Variants in SPTA1 observed in about 807,000 individuals in gnomAD.
The protein encoded by SPTA1 is spectrin alpha, erythrocytic 1, also known as spectrin alpha chain, erythrocytic 1.
Under a neutral mutation model 324.7 loss-of-function variants are expected in SPTA1, and 177 were observed. The ratio of observed to expected loss-of-function variants is 0.55; its 90% confidence interval spans 0.48 to 0.62. SPTA1 has a LOEUF of 0.62. Ranked by LOEUF, SPTA1 falls within the 20% of genes least tolerant of loss-of-function variation. The pLI, the probability that SPTA1 is intolerant of heterozygous loss-of-function variation, is 0.00. For missense variants in SPTA1, 3,162 were observed against 2,883.6 expected (o/e 1.10, Z -2.21); for synonymous variants, 1,195 against 1,041.3 (o/e 1.15, Z -2.84).
chr1:158,639,278 G>C (rs1204742569), intron 35 of SPTA1: 1 of 344,788 alleles, frequency 2.9e-6, no homozygotes, highest in Non-Finnish European at 5.4e-6. Flanking sequence ...TCAAATACCA[G>C]ATCAAATATA....
chr1:158,674,752 G>A (rs1217966372), intron 8 of SPTA1, 77 bp from the exon 9 acceptor site: 11 of 1,586,748 alleles, frequency 6.9e-6, no homozygotes, highest in Non-Finnish European at 9.4e-6. Context: ...TTAGGTTTGG[G>A]GTGAGGTAAG....
intron 5 of SPTA1, among the ~76,000 whole-genome samples, chr1:158,679,635 C>T (rs1346597802): frequency 1.3e-5 from 2 of 152,108 alleles, no homozygotes; most frequent in East Asian, 1.9e-4. Flanking sequence ...AGATCCTTCA[C>T]CCCAGCTGAG....
chr1:158,651,966 A>C (rs1323643854), intron 23 of SPTA1, among the ~76,000 whole-genome samples: 1 of 152,040 alleles, frequency 6.6e-6, no homozygotes, highest in Non-Finnish European at 1.5e-5. Context: ...ATATCAAAAG[A>C]AAAAGAAAAG....
chr1:158,685,757 T>C (rs1316190690), intron 1 of SPTA1, among the ~76,000 whole-genome samples: 1 of 152,172 alleles, frequency 6.6e-6, no homozygotes, highest in Non-Finnish European at 1.5e-5. Flanking sequence ...ATTTAATAAA[T>C]AATTAAGAAT....
rs530763373 is a variant in SPTA1, at chr1:158,673,755, T to A, written c.1350+574A>T. Among the ~76,000 whole-genome samples, 8 of 152,194 alleles carry A rather than the reference T, an allele frequency of 5.3e-5. No individual in the cohort carries two copies. The East Asian group carries it at 1.5e-3, about 29-fold the overall frequency. ...GGCAAAATGGAATGGAGGTTTCAAATTAGGTAGAAGTCAGAGGGTTGATGA... is the reference window on the plus strand; with the variant it reads ...GGCAAAATGGAATGGAGGTTTCAAAATAGGTAGAAGTCAGAGGGTTGATGA... On this transcript the variant is annotated intron_variant, in intron 10 of 51. Coordinates refer to ENST00000643759, the MANE Select transcript of SPTA1 (RefSeq NM_003126.4).
At position 158,627,022 on chromosome 1, in the gene SPTA1, G is replaced by T. The variant is rs756798194; in HGVS notation, c.5665-15C>A. On this transcript the variant is annotated splice_polypyrimidine_tract_variant and intron_variant, in intron 40 of 51. Transcript: ENST00000643759. ...TCCTGCAACACCTGTGAGAAGGGGA[G>T]AGACAAATATATTTATAATGTGCAG... 2 of 1,613,480 alleles carry T rather than the reference G, an allele frequency of 1.2e-6. No individual in the cohort carries two copies. The highest frequency in any genetic ancestry group is 3.3e-5 in the Admixed American group (2 of 59,992).
At chr1:158,679,994 A>C (rs926304834) in intron 5 of SPTA1, among the ~76,000 whole-genome samples, 2 of 152,146 alleles carry the variant, frequency 1.3e-5, no homozygotes, top group Non-Finnish European at 2.9e-5. Context: ...GAAAAGCAAA[A>C]TATAGCCAAC....
intron 39 of SPTA1, among the ~76,000 whole-genome samples, chr1:158,630,447 A>T (rs1319904654): frequency 6.6e-6 from 1 of 152,086 alleles, no homozygotes; most frequent in African/African-American, 2.4e-5. Context: ...TCACTTGCAG[A>T]ATAATGAAAT....
chr1:158,685,707 G>T (rs138624999), intron 1 of SPTA1, among the ~76,000 whole-genome samples: 7 of 152,152 alleles, frequency 4.6e-5, no homozygotes, highest in African/African-American at 1.7e-4. Context: ...GCTTTCAAGG[G>T]CTAAAAAGGT....
intron 43 of SPTA1, among the ~76,000 whole-genome samples, chr1:158,621,305 GA>G (rs1415534890): frequency 6.6e-6 from 1 of 152,142 alleles, no homozygotes; most frequent in Non-Finnish European, 1.5e-5. Flanking sequence ...ACATAAAAAT[GA>G]ATTTTTCATT....
At chr1:158,633,430 G>T (rs888685601) in intron 39 of SPTA1, among the ~76,000 whole-genome samples, 34 of 152,104 alleles carry the variant, frequency 2.2e-4, no homozygotes, top group African/African-American at 8.2e-4. Context: ...GGAGGCTGAG[G>T]TGGGTGGATC....
rs369695627 is a variant in SPTA1, at chr1:158,661,346, G to A, written c.2528C>T (p.Ala843Val). 5.0e-6 allele frequency: 8 copies of A among 1,613,704 alleles called. No homozygotes were observed. Among genetic ancestry groups the A allele is most frequent in the East Asian group, 4.5e-5 (2 of 44,866 alleles). The change falls in exon 18 of 52, where the codon GCC (alanine) becomes GTC (valine). Residue 843 changes from alanine to valine, a missense_variant. Physicochemically the swap from Ala to Val is moderately conservative, Grantham distance 64. Coordinates refer to ENST00000643759, the MANE Select transcript of SPTA1 (RefSeq NM_003126.4). ...NRHRVILENI[A>V]SHEPRIQEIT... is the part of the protein sequence containing the mutation. ...CTCTTGAATGCGTGGTTCATGGCTGGCAATGTTCTCCAGGATGACTCTATG... is the reference window on the plus strand; with the variant it reads ...CTCTTGAATGCGTGGTTCATGGCTGACAATGTTCTCCAGGATGACTCTATG...
intron 35 of SPTA1, 101 bp from the exon 36 acceptor site, chr1:158,638,342 G>A: frequency 8.4e-7 from 1 of 1,190,204 alleles, no homozygotes; most frequent in Non-Finnish European, 1.2e-6. Flanking sequence ...GGGCCAAATG[G>A]ATTGCTTTTA....
chr1:158,682,796 T>A (rs1205910754), intron 3 of SPTA1, among the ~76,000 whole-genome samples: 1 of 152,158 alleles, frequency 6.6e-6, no homozygotes. Flanking sequence ...AGAGTATGAA[T>A]CCTTATTGAA....
intron 27 of SPTA1, among the ~76,000 whole-genome samples, chr1:158,646,711 C>A (rs1468017871): frequency 1.3e-5 from 2 of 152,078 alleles, no homozygotes; most frequent in African/African-American, 2.4e-5. Context: ...CTATAGCTTT[C>A]CAGTGCTGAA....
Position 158,669,504 on chromosome 1 carries a change from C to T in SPTA1, c.1737G>A (p.Lys579=), listed in dbSNP as rs749562529. Residue 579 remains lysine, a synonymous_variant, in exon 14 of 52, where the codon AAG becomes AAA. Transcript: ENST00000643759. ...EKAATRRRLL[K]ESLLLQKLYE... ...ACAGTTTTTGCAGAAGCAATGACTCCTTCAGCAATCTACGTCTAGTGGCAG... is the reference window on the plus strand; with the variant it reads ...ACAGTTTTTGCAGAAGCAATGACTCTTTCAGCAATCTACGTCTAGTGGCAG... The T allele has an allele frequency of 1.1e-5, 18 of 1,614,050 alleles. No homozygotes were observed. The highest frequency in any genetic ancestry group is 1.4e-5 in the Non-Finnish European group (16 of 1,180,028).
rs189371977 is a variant in SPTA1, at chr1:158,614,210, A to C, written c.6842+43T>G. 45 of 1,393,686 alleles carry C rather than the reference A, an allele frequency of 3.2e-5. No homozygotes were observed. In the East Asian group the frequency reaches 9.1e-4, roughly 28 times the overall value. The allele number at this position is 1,393,686 out of a possible 1,614,324, so 86.3% of individuals were successfully genotyped here. A position where few individuals can be genotyped will look rare whatever the true frequency, so the allele number is the denominator to read the frequency against. On this transcript the variant is annotated intron_variant, in intron 49 of 51. Coordinates refer to ENST00000643759, the MANE Select transcript of SPTA1 (RefSeq NM_003126.4). ...ATTATTTGTAGACTCATTCTGAATA[A>C]TCTGAAAAACAAAGAAGCAGTTAAC...
At chr1:158,680,493 A>G (rs1654724919) in intron 5 of SPTA1, 90 bp downstream of exon 5, 3 of 1,573,446 alleles carry the variant, frequency 1.9e-6, no homozygotes, top group Non-Finnish European at 2.6e-6. Context: ...ACAATGCCCC[A>G]TCTCCTTCAT....
chr1:158,683,304 AT>A (rs1314239419), intron 3 of SPTA1, 66 bp downstream of exon 3: 1 of 1,608,020 alleles, frequency 6.2e-7, no homozygotes, highest in African/African-American at 1.3e-5. Flanking sequence ...TATATCTCAT[AT>A]AATCAGTTAA....
Sources: gnomAD v4.1 joint callset for allele counts (sites outside exome capture counted in the v4.1 genomes callset) on GRCh38, gnomAD v4.1.1 for gene constraint, MANE v1.5 for transcripts, NCBI Gene and HGNC (gene_info 2026-07-23, HGNC 2026-07-21) for gene names.